OLFML2B: variants seen among roughly 807,000 people sequenced by gnomAD.
OLFML2B encodes olfactomedin like 2B.
OLFML2B carries 57 observed loss-of-function variants against 74.9 expected under a neutral mutation model. The observed-to-expected ratio is 0.76, with a 90% confidence interval of 0.61 to 0.95. The LOEUF (loss-of-function observed/expected upper bound fraction) is 0.95. Ranked by LOEUF, OLFML2B falls within the 40% of genes least tolerant of loss-of-function variation. The pLI is 0.00. For missense variants in OLFML2B, 986 were observed against 970.6 expected, an observed-to-expected ratio of 1.02 and a Z score of -0.21; for synonymous variants, 388 against 405.8, an observed-to-expected ratio of 0.96 and a Z score of 0.53.
At position 161,984,803 on chromosome 1, in the gene OLFML2B, C is replaced by T. The variant is rs1312280321; in HGVS notation, c.1651+1G>A. Reference sequence around the variant, plus strand: ...GTCTGGGTTGGATCTTTATCATGTACCTTGTTTGAAGTTCTCCAGGTTCCG... The same window carrying T: ...GTCTGGGTTGGATCTTTATCATGTATCTTGTTTGAAGTTCTCCAGGTTCCG... On this transcript the variant is annotated splice_donor_variant, in intron 7 of 7. Coordinates refer to ENST00000294794, the MANE Select transcript of OLFML2B (RefSeq NM_015441.3). LOFTEE classifies it high-confidence loss of function. 5 of 1,613,176 alleles carry T rather than the reference C, an allele frequency of 3.1e-6. No homozygotes were observed. Among genetic ancestry groups the T allele is most frequent in the Non-Finnish European group, 3.4e-6 (4 of 1,179,616 alleles).
intron 5 of OLFML2B, among the ~76,000 whole-genome samples, chr1:161,999,883 AC>A (rs1268857794): frequency 1.3e-5 from 2 of 152,078 alleles, no homozygotes; most frequent in Admixed American, 6.5e-5. Context: ...GCCCAGCCAC[AC>A]TCTGCCATAT....
At chr1:162,008,285 A>G (rs1168213134) in intron 3 of OLFML2B, among the ~76,000 whole-genome samples, 3 of 152,208 alleles carry the variant, frequency 2.0e-5, no homozygotes, top group Non-Finnish European at 2.9e-5. Flanking sequence ...GCTATTTTTC[A>G]TATAATGTTA....
At chr1:162,017,884 A>C (rs751358543) in intron 2 of OLFML2B, among the ~76,000 whole-genome samples, 43 of 152,234 alleles carry the variant, frequency 2.8e-4, no homozygotes, top group Non-Finnish European at 5.3e-4. Flanking sequence ...AATCAGCCTA[A>C]ATGCACATCA....
intron 3 of OLFML2B, among the ~76,000 whole-genome samples, chr1:162,017,174 T>A (rs374942408): frequency 7.9e-5 from 12 of 152,168 alleles, no homozygotes; most frequent in Non-Finnish European, 1.0e-4. Flanking sequence ...GGGGATTTTA[T>A]GAAAAAAAGA....
At chr1:162,022,690 C>T (rs1192771887) in intron 1 of OLFML2B, among the ~76,000 whole-genome samples, 1 of 152,184 alleles carries the variant, frequency 6.6e-6, no homozygotes, top group Admixed American at 6.5e-5. Flanking sequence ...CGGGCCCCCA[C>T]TGACAGTCTG....
In OLFML2B at chr1:161,983,859, T is replaced by C. The variant is rs781289166; in HGVS notation, c.2069A>G (p.Asn690Ser). 5 of 1,614,194 alleles carry C rather than the reference T, an allele frequency of 3.1e-6. No individual in the cohort carries two copies. Among genetic ancestry groups the C allele is most frequent in the South Asian group, 2.2e-5 (2 of 91,086 alleles). Residue 690 changes from asparagine (N) to serine (S), a missense_variant, in exon 8 of 8, where the codon AAC becomes AGC. Transcript: ENST00000294794. Reference protein sequence around the residue: ...CGVLYAVDSYNQRNANISYAF... With the variant: ...CGVLYAVDSYSQRNANISYAF... ...GTAGGAGATGTTGGCATTCCGCTGG[T>C]TGTAGCTATCCACGGCATACAGCAC... is the stretch of plus-strand genomic sequence containing the variant.
intron 6 of OLFML2B, among the ~76,000 whole-genome samples, chr1:161,991,727 T>G (rs1345792645): frequency 2.0e-5 from 3 of 152,182 alleles, no homozygotes; most frequent in Non-Finnish European, 4.4e-5. Context: ...CAGAGCAAGA[T>G]TCTGTCTCAA....
Position 161,998,160 on chromosome 1 carries a change from G to A in OLFML2B, c.1139C>T (p.Thr380Ile), listed in dbSNP as rs1386104870. Residue 380 changes from threonine to isoleucine, a missense_variant, in exon 6 of 8, where the codon ACC (threonine) becomes ATC (isoleucine). By Grantham distance (89) the Thr-to-Ile change is moderately conservative (BLOSUM62 -1). Transcript: ENST00000294794. ...ATGGTTGGCGATGCTGGGATCTGAG[G>A]TCGAGGGCTGTGGCAGTGCTGAGGA... ...PWSSALPQPS[T>I]SDPSIANHAS... 1.9e-6 allele frequency: 3 copies of A among 1,614,116 alleles called. No individual in the cohort carries two copies. The highest frequency in any genetic ancestry group is 2.5e-6 in the Non-Finnish European group (3 of 1,180,046).
intron 4 of OLFML2B, among the ~76,000 whole-genome samples, chr1:162,000,683 T>G (rs1054471332): frequency 1.3e-5 from 2 of 152,184 alleles, no homozygotes; most frequent in African/African-American, 2.4e-5. Flanking sequence ...TGACGTATAC[T>G]GCCCAGAGAA....
intron 6 of OLFML2B, among the ~76,000 whole-genome samples, chr1:161,993,088 A>G (rs1284436602): frequency 6.6e-6 from 1 of 152,192 alleles, no homozygotes; most frequent in African/African-American, 2.4e-5. Context: ...AGAGAGAGAC[A>G]GAGAGAGAGG....
intron 6 of OLFML2B, among the ~76,000 whole-genome samples, chr1:161,986,913 G>C (rs1430930760): frequency 6.6e-6 from 1 of 152,234 alleles, no homozygotes; most frequent in African/African-American, 2.4e-5. Flanking sequence ...GATTACCATG[G>C]CCATGCCACC....
chr1:161,984,076 A>C lies in OLFML2B; in HGVS notation c.1852T>G (p.Ser618Ala). ...TCGTCCACAGCAAAGTCCACGTCTG[A>C]GTGGCCCTGCCATCGCCAGGGGGTG... ...EATPWRWQGH[S>A]DVDFAVDENG... The change falls in exon 8 of 8, where the codon TCA becomes GCA. Residue 618 changes from serine (S) to alanine (A), a missense_variant. Transcript: ENST00000294794. The C allele has an allele frequency of 1.2e-6, 2 of 1,613,666 alleles. No homozygotes were observed.
Position 162,020,200 on chromosome 1 carries a change from G to A in OLFML2B, c.175-18C>T, listed in dbSNP as rs773071980. The A allele has an allele frequency of 9.3e-6, 15 of 1,610,808 alleles. No homozygotes were observed. The highest frequency in any genetic ancestry group is 1.2e-5 in the Non-Finnish European group (14 of 1,177,488). ...CCCAGCAACTAGACACACAGAAAAC[G>A]GGTTAGGGGCATGCAAACACAGGTG... On this transcript the variant is annotated intron_variant, in intron 1 of 7. Coordinates refer to ENST00000294794, the MANE Select transcript of OLFML2B (RefSeq NM_015441.3).
intron 6 of OLFML2B, among the ~76,000 whole-genome samples, chr1:161,988,847 C>G (rs967055595): frequency 2.0e-5 from 3 of 152,108 alleles, no homozygotes; most frequent in Non-Finnish European, 4.4e-5. Context: ...GTCCTCATGG[C>G]TCCTCAAACT....
intron 6 of OLFML2B, among the ~76,000 whole-genome samples, chr1:161,990,644 C>A (rs1411828066): frequency 6.6e-6 from 1 of 152,184 alleles, no homozygotes; most frequent in African/African-American, 2.4e-5. Flanking sequence ...GCTGATTGAT[C>A]AGAGGAGTGG....
At chr1:161,985,683 C>G (rs1689574268) in intron 6 of OLFML2B, among the ~76,000 whole-genome samples, 1 of 152,202 alleles carries the variant, frequency 6.6e-6, no homozygotes. Context: ...CTGAGGCCCA[C>G]CTGCTGTCCT....
intron 3 of OLFML2B, among the ~76,000 whole-genome samples, chr1:162,013,107 G>A (rs1167485630): frequency 6.6e-6 from 1 of 152,188 alleles, no homozygotes; most frequent in African/African-American, 2.4e-5. Flanking sequence ...TGCCAGCTCT[G>A]TATGCAATGA....
At chr1:162,017,290 A>T in intron 3 of OLFML2B, 110 bp downstream of exon 3, 1 of 741,266 alleles carries the variant, frequency 1.3e-6, no homozygotes, top group Non-Finnish European at 2.3e-6. Flanking sequence ...ATAGAATAGG[A>T]TGGGTTAAGT....
chr1:162,022,485 G>A (rs1167357522), intron 1 of OLFML2B, among the ~76,000 whole-genome samples: 1 of 151,870 alleles, frequency 6.6e-6, no homozygotes, highest in Non-Finnish European at 1.5e-5. Flanking sequence ...TCCTGACCTC[G>A]TGATCTGCCC....
Sources: allele counts gnomAD v4.1 joint callset (sites outside exome capture counted in the v4.1 genomes callset), GRCh38; gene constraint gnomAD v4.1.1; transcripts MANE v1.5; gene names NCBI Gene and HGNC (gene_info 2026-07-23, HGNC 2026-07-21).